Variants in GCC2 observed in about 807,000 individuals in gnomAD.
GCC2 encodes GRIP and coiled-coil domain containing 2.
In GCC2, 120 loss-of-function variants were observed where a neutral mutation model predicts 210.6. The ratio of observed to expected loss-of-function variants is 0.57; its 90% CI spans 0.49 to 0.66. The LOEUF (loss-of-function observed/expected upper bound fraction) is 0.66. Ranked by LOEUF, GCC2 falls within the 30% of genes least tolerant of loss-of-function variation. The probability of loss-of-function intolerance (pLI) is 0.00; values close to 1 mark genes in which losing one functional copy is unlikely to be tolerated. For missense variants in GCC2, 1,868 were observed against 1,871.9 expected (o/e 1.00, Z 0.04); for synonymous variants, 703 against 652.7 (o/e 1.08, Z -1.17).
At chr2:108,490,681 G>A (rs976866476) in intron 18 of GCC2, among the ~76,000 whole-genome samples, 1 of 152,130 alleles carries the variant, frequency 6.6e-6, no homozygotes, top group Admixed American at 6.5e-5. Context: ...GCTTCTGTCT[G>A]TTAACAGTGT....
Position 108,489,863 on chromosome 2 carries a change from C to A in GCC2, c.4078C>A (p.Gln1360Lys). The change falls in exon 18 of 23, where the codon CAG becomes AAG. Residue 1360 changes from glutamine (Q) to lysine (K), a missense_variant. Physicochemically the swap from Gln to Lys is moderately conservative, Grantham distance 53 (BLOSUM62 1). Coordinates refer to ENST00000309863, the MANE Select transcript of GCC2 (RefSeq NM_181453.4). ...GGAACATCTGGAAATGCTGATTGAC[C>A]AGCTAAAAATCAAATTACAAGATAG... ...EREHLEMLID[Q>K]LKIKLQDSQN... is the part of the protein sequence containing the mutation. 6.2e-7 allele frequency: 1 copy of A among 1,601,098 alleles called. No individual in the cohort carries two copies. Among genetic ancestry groups the A allele is most frequent in the South Asian group, 1.1e-5 (1 of 89,016 alleles).
chr2:108,479,999 A>C (rs1681761206), intron 9 of GCC2, among the ~76,000 whole-genome samples: 1 of 124,650 alleles, frequency 8.0e-6, no homozygotes, highest in South Asian at 2.5e-4. Context: ...AAAAAAAAAA[A>C]AAAAAAAAAA....
chr2:108,471,795 T>C lies in GCC2; in HGVS notation c.2466T>C (p.Ser822=), dbSNP rs1681238611. ...AGATTAAGTGCCTTCAAGAAGAGAG[T>C]GTAGTTCAGTGTGAAGAACTTAAGT... ...EKEIKCLQEE[S]VVQCEELKSL... is the part of the protein sequence containing the mutation. Residue 822 remains serine (S), a synonymous_variant, in exon 6 of 23, where the codon AGT becomes AGC. Transcript: ENST00000309863. 3.1e-6 allele frequency: 5 copies of C among 1,613,130 alleles called. No homozygotes were observed. The highest frequency in any genetic ancestry group is 2.5e-6 in the Non-Finnish European group (3 of 1,179,326).
Position 108,471,853 on chromosome 2 carries a change from CTCT to C in GCC2, c.2526_2528del (p.Leu843del), listed in dbSNP as rs1681243659. ...GAGAGACTATGAGCAAGAGAAAGTT[CTCT>C]TAAGGAAAGAGTTAGAAGAAATACA... is the stretch of plus-strand genomic sequence containing the variant. On this transcript the variant is annotated inframe_deletion, in exon 6 of 23. Coordinates refer to ENST00000309863, the MANE Select transcript of GCC2 (RefSeq NM_181453.4). The C allele has an allele frequency of 6.2e-7, 1 of 1,613,254 alleles. No individual in the cohort carries two copies. The highest frequency in any genetic ancestry group is 8.5e-7 in the Non-Finnish European group (1 of 1,179,558).
chr2:108,486,236 A>G (rs759818219), intron 15 of GCC2, among the ~76,000 whole-genome samples: 1 of 152,158 alleles, frequency 6.6e-6, no homozygotes, highest in Non-Finnish European at 1.5e-5. Context: ...GTATATTTTT[A>G]TATATATAAT....
At position 108,471,880 on chromosome 2, in the gene GCC2, CA is replaced by C; in HGVS notation, c.2552del (p.Gln851ArgfsTer12). ...VLLRKELEEI[Q>X]SEKEALQSDL... ...CTTAAGGAAAGAGTTAGAAGAAATA[CA>C]GTCAGAAAAAGAGGCCCTGCAGTCT... On this transcript the variant is annotated frameshift_variant, in exon 6 of 23. Coordinates refer to ENST00000309863, the MANE Select transcript of GCC2 (RefSeq NM_181453.4). LOFTEE classifies it high-confidence loss of function. 6.2e-7 allele frequency: 1 copy of C among 1,609,070 alleles called. No homozygotes were observed. Among genetic ancestry groups the C allele is most frequent in the Non-Finnish European group, 8.5e-7 (1 of 1,178,352 alleles).
At chr2:108,490,774 G>T (rs925768583) in intron 18 of GCC2, among the ~76,000 whole-genome samples, 5 of 152,192 alleles carry the variant, frequency 3.3e-5, no homozygotes, top group African/African-American at 1.2e-4. Context: ...GGTTTACCAT[G>T]AGATTATCTT....
At chr2:108,454,212 G>C (rs1005266101) in intron 4 of GCC2, among the ~76,000 whole-genome samples, 1 of 152,116 alleles carries the variant, frequency 6.6e-6, no homozygotes, top group Non-Finnish European at 1.5e-5. Context: ...GGATGGTCTC[G>C]ATCTCCTGAC....
intron 21 of GCC2, among the ~76,000 whole-genome samples, chr2:108,497,375 C>G (rs1004364105): frequency 6.6e-6 from 1 of 152,206 alleles, no homozygotes; most frequent in Non-Finnish European, 1.5e-5. Context: ...CTTGGCCTCC[C>G]AAAGTGCTGG....
intron 9 of GCC2, among the ~76,000 whole-genome samples, chr2:108,478,339 G>A (rs917739290): frequency 6.6e-6 from 1 of 152,078 alleles, no homozygotes; most frequent in Non-Finnish European, 1.5e-5. Flanking sequence ...TAGAACCAGA[G>A]GTGCTGAAAT....
At chr2:108,475,933 C>A in intron 9 of GCC2, 83 bp downstream of exon 9, 1 of 696,898 alleles carries the variant, frequency 1.4e-6, no homozygotes, top group South Asian at 2.0e-5. Context: ...AAATGTAAAA[C>A]TATTGTCAAC....
chr2:108,481,494 A>G (rs1051921048), intron 9 of GCC2, among the ~76,000 whole-genome samples: 2 of 152,162 alleles, frequency 1.3e-5, no homozygotes, highest in Non-Finnish European at 2.9e-5. Flanking sequence ...CTTCTTTCAT[A>G]TATTTCCCCC....
Position 108,470,559 on chromosome 2 carries a change from T to G in GCC2, c.1230T>G (p.Gly410=). Residue 410 remains glycine, a synonymous_variant, in exon 6 of 23, where the codon GGT becomes GGG. Coordinates refer to ENST00000309863, the MANE Select transcript of GCC2 (RefSeq NM_181453.4). The part of the protein sequence containing the change: ...VIEKLKSELA[G]LNKQFCYTVE... The stretch of plus-strand genomic sequence containing the variant: ...AAAAATTAAAATCTGAGCTAGCAGG[T>G]TTAAATAAACAGTTTTGCTATACTG... 1 of 1,607,868 alleles carries G rather than the reference T, an allele frequency of 6.2e-7. No homozygotes were observed.
chr2:108,459,696 TC>T (rs1175379963), intron 4 of GCC2, among the ~76,000 whole-genome samples: 2 of 149,822 alleles, frequency 1.3e-5, no homozygotes, highest in African/African-American at 2.4e-5. Context: ...AATTGTTACA[TC>T]TTTTTGCTGG....
At chr2:108,507,172 C>T (rs1480954246) in intron 22 of GCC2, among the ~76,000 whole-genome samples, 1 of 152,014 alleles carries the variant, frequency 6.6e-6, no homozygotes, top group Non-Finnish European at 1.5e-5. Flanking sequence ...GTGGGAGGAT[C>T]ACTTGAGCCC....
Position 108,509,200 on chromosome 2 carries a change from T to A in GCC2, c.*1570T>A, listed in dbSNP as rs1322798110. On this transcript the variant is annotated 3_prime_UTR_variant, in exon 23 of 23. Transcript: ENST00000309863. ...AATCATATTTAAATATATTTCACTTTCTCTTTGACTTTAGACCTTTTGAAG... is the reference window on the plus strand; with the variant it reads ...AATCATATTTAAATATATTTCACTTACTCTTTGACTTTAGACCTTTTGAAG... 3 of 152,664 alleles carry A rather than the reference T, an allele frequency of 2.0e-5. No homozygotes were observed. The highest frequency in any genetic ancestry group is 4.1e-4 in the South Asian group (2 of 4,832). The allele number at this position is 152,664 out of a possible 1,614,324, so 9.5% of individuals were successfully genotyped here. A position where few individuals can be genotyped will look rare whatever the true frequency, so the allele number is the denominator to read the frequency against.
chr2:108,482,292 A>G lies in GCC2; in HGVS notation c.3186A>G (p.Glu1062=). The G allele has an allele frequency of 6.4e-7, 1 of 1,567,560 alleles. No homozygotes were observed. The highest frequency in any genetic ancestry group is 8.7e-7 in the Non-Finnish European group (1 of 1,151,164). The change falls in exon 11 of 23, where the codon GAA becomes GAG. Residue 1062 remains glutamate (E), a synonymous_variant. Transcript: ENST00000309863. The stretch of plus-strand genomic sequence containing the variant: ...TGAATCATTTGTCATTTCAGTGTGA[A>G]ACAATAAATTCTGATAATGAAGATC... The part of the protein sequence containing the change: ...RQLRNSTLQC[E]TINSDNEDLL...
intron 22 of GCC2, among the ~76,000 whole-genome samples, chr2:108,504,985 T>C (rs1683114568): frequency 6.6e-6 from 1 of 152,170 alleles, no homozygotes; most frequent in South Asian, 2.1e-4. Flanking sequence ...AGTGCCTGAT[T>C]TGATTTGCTG....
In GCC2 at chr2:108,471,691, G is replaced by T; in HGVS notation, c.2362G>T (p.Glu788Ter). The T allele has an allele frequency of 6.2e-7, 1 of 1,613,670 alleles. No homozygotes were observed. The highest frequency in any genetic ancestry group is 1.1e-5 in the South Asian group (1 of 91,026). ...TGTTAATGTCCTACAGGCAGTCGGT[G>T]AATCCTTGGCAAAAATAAATGAGGA... is the stretch of plus-strand genomic sequence containing the variant. ...DVVNVLQAVGESLAKINEEKC... is the reference protein window; with the variant it reads ...DVVNVLQAVG Residue 788 changes from glutamate to a stop codon, truncating the protein, a stop_gained, in exon 6 of 23, where the codon GAA (glutamate) becomes TAA (stop). Coordinates refer to ENST00000309863, the MANE Select transcript of GCC2 (RefSeq NM_181453.4). LOFTEE classifies it high-confidence loss of function.
Sources: allele counts gnomAD v4.1 joint callset (sites outside exome capture counted in the v4.1 genomes callset), GRCh38; gene constraint gnomAD v4.1.1; transcripts MANE v1.5; gene names NCBI Gene and HGNC (gene_info 2026-07-23, HGNC 2026-07-21).